Variants in NCOA1 observed in about 807,000 individuals in gnomAD.
NCOA1 encodes the protein nuclear receptor coactivator 1, also known as Hin-2 protein.
In NCOA1, 35 loss-of-function variants were observed where a neutral mutation model predicts 150.9. That is an observed-to-expected ratio of 0.23 (90% CI 0.18 to 0.31). NCOA1 has a LOEUF of 0.31. NCOA1 is among the 10% of genes least tolerant of loss of function. NCOA1 has a pLI of 1.00. For synonymous variants in NCOA1, 590 were observed against 630.0 expected (o/e 0.94, Z 0.95); for missense variants, 1,491 against 1,749.3 (o/e 0.85, Z 2.63).
chr2:24,551,949 A>T (rs550235257), intron 1 of NCOA1, among the ~76,000 whole-genome samples: 10 of 152,256 alleles, frequency 6.6e-5, no homozygotes, highest in Non-Finnish European at 1.0e-4. Flanking sequence ...GTTTGAAATC[A>T]GTTGACCATA....
intron 6 of NCOA1, among the ~76,000 whole-genome samples, chr2:24,668,614 A>G (rs1558888641): frequency 6.6e-6 from 1 of 152,160 alleles, no homozygotes; most frequent in Non-Finnish European, 1.5e-5. Context: ...TGTTTCAGAA[A>G]TCTCTATCCA....
chr2:24,669,023 A>C (rs368820967), intron 6 of NCOA1, among the ~76,000 whole-genome samples: 2 of 152,230 alleles, frequency 1.3e-5, no homozygotes, highest in Non-Finnish European at 2.9e-5. Flanking sequence ...TACGCAAAAA[A>C]TTGTTAAAAC....
intron 1 of NCOA1, among the ~76,000 whole-genome samples, chr2:24,517,823 A>G (rs1664268075): frequency 1.3e-5 from 2 of 152,182 alleles, no homozygotes; most frequent in Admixed American, 1.3e-4. Context: ...GTAATTTGCT[A>G]GGATTTACAA....
intron 2 of NCOA1, among the ~76,000 whole-genome samples, chr2:24,571,310 G>A (rs966504651): frequency 1.3e-5 from 2 of 152,208 alleles, no homozygotes; most frequent in African/African-American, 4.8e-5. Context: ...GTTGAATTAT[G>A]TATATTTAGC....
chr2:24,665,749 C>G lies in NCOA1; in HGVS notation c.90C>G (p.Ser30Arg). The G allele has an allele frequency of 1.3e-6, 2 of 1,542,896 alleles. No homozygotes were observed. The highest frequency in any genetic ancestry group is 1.8e-6 in the Non-Finnish European group (2 of 1,140,694). ...KGSPCDTLAS[S>R]TEKRRREQEN... ...TAACTGGATTTTCTTTGTGTAACAGCACGGAAAAGAGGCGCAGGGAGCAAG... is the reference window on the plus strand; with the variant it reads ...TAACTGGATTTTCTTTGTGTAACAGGACGGAAAAGAGGCGCAGGGAGCAAG... Residue 30 changes from serine to arginine, a missense_variant and splice_region_variant, in exon 6 of 23, where the codon AGC becomes AGG. Coordinates refer to ENST00000348332, the MANE Select transcript of NCOA1 (RefSeq NM_003743.5).
intron 6 of NCOA1, among the ~76,000 whole-genome samples, chr2:24,670,425 C>T (rs1272163415): frequency 2.6e-5 from 4 of 152,250 alleles, no homozygotes; most frequent in African/African-American, 2.4e-5. Context: ...ACTACCCATA[C>T]GTCCATCAGC....
chr2:24,759,503 C>G (rs1317791913), intron 21 of NCOA1, among the ~76,000 whole-genome samples: 1 of 152,106 alleles, frequency 6.6e-6, no homozygotes, highest in Non-Finnish European at 1.5e-5. Flanking sequence ...ATCCTGGAGC[C>G]TCTTACATAT....
At chr2:24,658,184 A>G (rs1671028718) in intron 4 of NCOA1, among the ~76,000 whole-genome samples, 2 of 152,274 alleles carry the variant, frequency 1.3e-5, no homozygotes, top group Non-Finnish European at 2.9e-5. Flanking sequence ...TAACTTAATT[A>G]TGTATGTACT....
chr2:24,691,180 AT>A (rs1396318014), intron 8 of NCOA1, among the ~76,000 whole-genome samples: 1 of 152,212 alleles, frequency 6.6e-6, no homozygotes, highest in Non-Finnish European at 1.5e-5. Context: ...CTGCTGTAAA[AT>A]TCTGAGCAAA....
chr2:24,665,419 G>T (rs1671376702), intron 5 of NCOA1, among the ~76,000 whole-genome samples: 1 of 151,986 alleles, frequency 6.6e-6, no homozygotes, highest in African/African-American at 2.4e-5. Flanking sequence ...ATATAAAGTA[G>T]TTCCAAATGT....
At chr2:24,559,795 C>T (rs1666223459) in intron 1 of NCOA1, among the ~76,000 whole-genome samples, 1 of 152,056 alleles carries the variant, frequency 6.6e-6, no homozygotes, top group African/African-American at 2.4e-5. Context: ...GGTTCTTTTG[C>T]CTCTACCCCT....
At chr2:24,493,367 T>C (rs963386436) in intron 1 of NCOA1, among the ~76,000 whole-genome samples, 1 of 152,152 alleles carries the variant, frequency 6.6e-6, no homozygotes, top group African/African-American at 2.4e-5. Context: ...AGAGAGAAAA[T>C]AGAGGACTGC....
At chr2:24,757,609 G>GTA (rs1452781120) in intron 20 of NCOA1, among the ~76,000 whole-genome samples, 1 of 150,466 alleles carries the variant, frequency 6.6e-6, no homozygotes, top group Admixed American at 6.6e-5. Flanking sequence ...ATATATATAT[G>GTA]TATATATATG....
chr2:24,750,475 G>A (rs1049806612), intron 19 of NCOA1, among the ~76,000 whole-genome samples: 11 of 152,176 alleles, frequency 7.2e-5, no homozygotes, highest in African/African-American at 2.7e-4. Flanking sequence ...TCAGATGGCT[G>A]CTAATAAGCA....
At chr2:24,536,696 T>G (rs539757449) in intron 1 of NCOA1, among the ~76,000 whole-genome samples, 1 of 152,340 alleles carries the variant, frequency 6.6e-6, no homozygotes, top group Non-Finnish European at 1.5e-5. Flanking sequence ...GTTTTCCTTC[T>G]AACACTCAGG....
chr2:24,564,497 GAT>G (rs1321050282), intron 2 of NCOA1, 67 bp downstream of exon 2: 3 of 152,196 alleles, frequency 2.0e-5, no homozygotes, highest in Non-Finnish European at 4.4e-5. Context: ...TTGATTTCTA[GAT>G]ATAGGTTTGG....
chr2:24,712,637 T>C (rs1400855128), intron 14 of NCOA1, among the ~76,000 whole-genome samples: 1 of 151,466 alleles, frequency 6.6e-6, no homozygotes, highest in Non-Finnish European at 1.5e-5. Flanking sequence ...AAGTATGCAG[T>C]GGAAATATAT....
At chr2:24,690,951 G>A (rs1337107069) in intron 8 of NCOA1, among the ~76,000 whole-genome samples, 1 of 152,148 alleles carries the variant, frequency 6.6e-6, no homozygotes, top group Non-Finnish European at 1.5e-5. Context: ...AAATGGTTAT[G>A]AGAAATTGAG....
chr2:24,539,852 A>G (rs188375153), intron 1 of NCOA1, among the ~76,000 whole-genome samples: 5 of 152,352 alleles, frequency 3.3e-5, no homozygotes, highest in Admixed American at 6.5e-5. Flanking sequence ...ATTCATTAGC[A>G]TTACTGCAAC....
Sources: gnomAD v4.1 joint callset for allele counts (sites outside exome capture counted in the v4.1 genomes callset) on GRCh38, gnomAD v4.1.1 for gene constraint, MANE v1.5 for transcripts, NCBI Gene and HGNC (gene_info 2026-07-23, HGNC 2026-07-21) for gene names.